SRBD1: variants seen among roughly 807,000 people sequenced by gnomAD.
The protein encoded by SRBD1 is S1 RNA-binding domain-containing protein 1.
A neutral mutation model predicts 115.3 loss-of-function variants in SRBD1; 88 were observed. The observed-to-expected ratio is 0.76, with a 90% CI of 0.64 to 0.91. The LOEUF (loss-of-function observed/expected upper bound fraction) is 0.91. SRBD1 is among the 40% of genes least tolerant of loss of function. The pLI, the probability that SRBD1 is intolerant of heterozygous loss-of-function variation, is 0.00. For missense variants in SRBD1, 1,385 were observed against 1,177.4 expected (o/e 1.18, Z -2.58); for synonymous variants, 509 against 407.7 (o/e 1.25, Z -2.99).
chr2:45,599,720 G>A lies in SRBD1; in HGVS notation c.377C>T (p.Thr126Ile). 4 of 1,614,188 alleles carry A rather than the reference G, an allele frequency of 2.5e-6. No individual in the cohort carries two copies. The highest frequency in any genetic ancestry group is 1.7e-6 in the Non-Finnish European group (2 of 1,180,032). The part of the protein sequence containing the change: ...TKQKCAAQPH[T>I]VRRTKKLKVE... Reference sequence around the variant, plus strand: ...TTTCAGCTTTTTAGTCCTTCGAACTGTATGTGGCTGCGCTGCACATTTCTG... The same window carrying A: ...TTTCAGCTTTTTAGTCCTTCGAACTATATGTGGCTGCGCTGCACATTTCTG... Residue 126 changes from threonine (T) to isoleucine (I), a missense_variant, in exon 4 of 21, where the codon ACA becomes ATA. Transcript: ENST00000263736.
intron 3 of SRBD1, among the ~76,000 whole-genome samples, chr2:45,600,766 G>C (rs1674067925): frequency 6.6e-6 from 1 of 152,154 alleles, no homozygotes; most frequent in African/African-American, 2.4e-5. Context: ...AAGCTGGTCT[G>C]TTCTCCGTTA....
At chr2:45,457,557 A>G (rs1233171537) in intron 16 of SRBD1, among the ~76,000 whole-genome samples, 1 of 152,042 alleles carries the variant, frequency 6.6e-6, no homozygotes, top group Non-Finnish European at 1.5e-5. Context: ...GGTATAGCTA[A>G]TATTTTAAGA....
chr2:45,412,206 T>C (rs1314549364), intron 19 of SRBD1, among the ~76,000 whole-genome samples: 1 of 152,202 alleles, frequency 6.6e-6, no homozygotes, highest in African/African-American at 2.4e-5. Flanking sequence ...TGATAACATC[T>C]AGGTGTGGCT....
chr2:45,445,855 G>GT (rs1668808596), intron 16 of SRBD1, among the ~76,000 whole-genome samples: 1 of 152,122 alleles, frequency 6.6e-6, no homozygotes, highest in African/African-American at 2.4e-5. Context: ...TGGAAACATG[G>GT]TTTAAAAAGT....
At chr2:45,480,545 G>A (rs1006721965) in intron 15 of SRBD1, among the ~76,000 whole-genome samples, 1 of 152,146 alleles carries the variant, frequency 6.6e-6, no homozygotes, top group Non-Finnish European at 1.5e-5. Flanking sequence ...AGATGTGACT[G>A]AATTGCTGTA....
intron 16 of SRBD1, among the ~76,000 whole-genome samples, chr2:45,432,325 G>C (rs1346309689): frequency 6.6e-6 from 1 of 152,092 alleles, no homozygotes; most frequent in African/African-American, 2.4e-5. Context: ...CACTGCGCCT[G>C]GCCAACACTA....
At chr2:45,549,014 G>T (rs1046013097) in intron 12 of SRBD1, 1 of 152,212 alleles carries the variant, frequency 6.6e-6, no homozygotes, top group African/African-American at 2.4e-5. Flanking sequence ...TCAACAGTCA[G>T]TTTGAGAACA....
At chr2:45,531,912 A>G (rs1046170928) in intron 14 of SRBD1, among the ~76,000 whole-genome samples, 1 of 151,830 alleles carries the variant, frequency 6.6e-6, no homozygotes, top group Non-Finnish European at 1.5e-5. Flanking sequence ...TCTCTGAATA[A>G]GATACTGACA....
intron 16 of SRBD1, among the ~76,000 whole-genome samples, chr2:45,445,855 G>A (rs543913417): frequency 7.9e-5 from 12 of 152,122 alleles, no homozygotes; most frequent in Non-Finnish European, 1.8e-4. Context: ...TGGAAACATG[G>A]TTTAAAAAGT....
At chr2:45,547,713 T>C in intron 12 of SRBD1, 101 bp from the exon 13 acceptor site, 1 of 922,400 alleles carries the variant, frequency 1.1e-6, no homozygotes. Context: ...GAGACTGGCT[T>C]GTTTTTTATA....
intron 14 of SRBD1, among the ~76,000 whole-genome samples, chr2:45,496,391 G>C (rs1670460537): frequency 6.6e-6 from 1 of 150,928 alleles, no homozygotes; most frequent in African/African-American, 2.4e-5. Context: ...ACTATTAAAA[G>C]CATTAAAAAA....
intron 14 of SRBD1, among the ~76,000 whole-genome samples, chr2:45,490,850 A>G (rs990534775): frequency 1.1e-4 from 16 of 152,198 alleles, no homozygotes; most frequent in Admixed American, 7.2e-4. Flanking sequence ...GCACCCAAAG[A>G]TTGTGGATTA....
chr2:45,470,690 C>CA (rs1669622281), intron 16 of SRBD1, among the ~76,000 whole-genome samples: 1 of 152,186 alleles, frequency 6.6e-6, no homozygotes, highest in Non-Finnish European at 1.5e-5. Flanking sequence ...GTGAACTCAA[C>CA]AGAGCCAAAC....
chr2:45,562,178 A>C (rs1190580830), intron 10 of SRBD1, among the ~76,000 whole-genome samples: 1 of 151,984 alleles, frequency 6.6e-6, no homozygotes, highest in Admixed American at 6.6e-5. Context: ...TATTTTTTTT[A>C]ATTCAAAAAG....
At chr2:45,562,072 GTTC>G (rs1672680541) in intron 10 of SRBD1, among the ~76,000 whole-genome samples, 1 of 152,086 alleles carries the variant, frequency 6.6e-6, no homozygotes, top group Admixed American at 6.6e-5. Flanking sequence ...AAGTAAAACA[GTTC>G]TTCTCCACAG....
chr2:45,504,838 A>G (rs925818239), intron 14 of SRBD1, among the ~76,000 whole-genome samples: 5 of 152,138 alleles, frequency 3.3e-5, no homozygotes, highest in African/African-American at 1.2e-4. Context: ...GTACATATGT[A>G]TGACATATGA....
In SRBD1 at chr2:45,418,464, C is replaced by T. The variant is rs1667899539; in HGVS notation, c.2234G>A (p.Arg745Gln). The change falls in exon 18 of 21, where the codon CGA becomes CAA. Residue 745 changes from arginine (R) to glutamine (Q), a missense_variant. Physicochemically the swap from Arg to Gln is conservative, Grantham distance 43. Transcript: ENST00000263736. ...CCCTTTCACTTTCTTCAGCTGTTCT[C>T]GGTTGATAAAGGGTCCATTTTTCTC... ...WREKNGPFIN[R>Q]EQLKKVKGLG... 2.5e-6 allele frequency: 4 copies of T among 1,613,400 alleles called. No individual in the cohort carries two copies. The highest frequency in any genetic ancestry group is 2.2e-5 in the East Asian group (1 of 44,870).
intron 12 of SRBD1, among the ~76,000 whole-genome samples, chr2:45,550,743 AG>A (rs760838885): frequency 6.6e-6 from 1 of 152,224 alleles, no homozygotes; most frequent in Non-Finnish European, 1.5e-5. Context: ...GTAAGTAAAC[AG>A]GAAAAAAAAT....
At chr2:45,471,189 C>T (rs575668946) in intron 16 of SRBD1, among the ~76,000 whole-genome samples, 84 of 152,196 alleles carry the variant, frequency 5.5e-4, no homozygotes, top group Middle Eastern at 3.4e-3. Flanking sequence ...AATACATATT[C>T]ACTATAGGGA....
Sources: allele counts gnomAD v4.1 joint callset (sites outside exome capture counted in the v4.1 genomes callset), GRCh38; gene constraint gnomAD v4.1.1; transcripts MANE v1.5; gene names NCBI Gene and HGNC (gene_info 2026-07-23, HGNC 2026-07-21).